GRM7: variants seen among roughly 807,000 people sequenced by gnomAD.
GRM7 encodes the protein glutamate metabotropic receptor 7.
GRM7 carries 35 observed loss-of-function variants against 84.5 expected under a neutral mutation model. The ratio of observed to expected loss-of-function variants is 0.41; its 90% CI spans 0.32 to 0.55. GRM7 has a LOEUF of 0.55. Ranked by LOEUF, GRM7 falls within the 20% of genes least tolerant of loss-of-function variation. The pLI is 0.19. For synonymous variants in GRM7, 487 were observed against 455.1 expected (o/e 1.07, Z -0.89); for missense variants, 1,003 against 1,194.6 (o/e 0.84, Z 2.36).
At chr3:7,693,105 G>A (rs754423324) in intron 9 of GRM7, among the ~76,000 whole-genome samples, 21 of 151,774 alleles carry the variant, frequency 1.4e-4, no homozygotes, top group Non-Finnish European at 2.6e-4. Flanking sequence ...TGGTCTGCTA[G>A]AACGGAAATG....
intron 1 of GRM7, among the ~76,000 whole-genome samples, chr3:7,107,097 GC>G (rs1692681545): frequency 6.6e-6 from 1 of 152,000 alleles, no homozygotes; most frequent in Non-Finnish European, 1.5e-5. Flanking sequence ...AGACTGACAG[GC>G]TAGGAAAGAC....
intron 8 of GRM7, among the ~76,000 whole-genome samples, chr3:7,650,312 C>T (rs1000832845): frequency 5.3e-5 from 8 of 152,172 alleles, no homozygotes; most frequent in African/African-American, 1.9e-4. Flanking sequence ...TCTGAGCCTC[C>T]CTTTCTGATC....
intron 7 of GRM7, among the ~76,000 whole-genome samples, chr3:7,556,148 C>A (rs942092890): frequency 6.6e-6 from 1 of 152,056 alleles, no homozygotes; most frequent in Non-Finnish European, 1.5e-5. Flanking sequence ...ATACATGATG[C>A]CTTATCCTTG....
intron 5 of GRM7, among the ~76,000 whole-genome samples, chr3:7,424,086 C>A (rs921415207): frequency 6.6e-6 from 1 of 152,070 alleles, no homozygotes; most frequent in African/African-American, 2.4e-5. Flanking sequence ...TCACCATGGG[C>A]AAGTTACTCA....
Position 7,463,943 on chromosome 3 carries a change from A to G in GRM7, c.1515+2221A>G, listed in dbSNP as rs138758996. Among the ~76,000 whole-genome samples, 171 of 152,310 alleles carry G rather than the reference A, an allele frequency of 1.1e-3. 1 individual carries two copies. Among genetic ancestry groups the G allele is most frequent in the African/African-American group, 3.8e-3 (156 of 41,566 alleles). On this transcript the variant is annotated intron_variant, in intron 7 of 9. Coordinates refer to ENST00000357716, the MANE Select transcript of GRM7 (RefSeq NM_000844.4). ...AATTACTTTGGCTGCTGGGAAGATA[A>G]TGGAGGGGGCAAAAGTAGCAGCAGA...
chr3:7,578,974 T>A lies in GRM7; in HGVS notation c.2068T>A (p.Ser690Thr). Residue 690 changes from serine (S) to threonine (T), a missense_variant, in exon 8 of 10, where the codon TCA becomes ACA. Transcript: ENST00000357716. ...TCGCATATTTGAGCAGGGCAAGAAA[T>A]CAGTAACAGCTCCCAGACTCATAAG... is the stretch of plus-strand genomic sequence containing the variant. ...IYRIFEQGKK[S>T]VTAPRLISPT... is the part of the protein sequence containing the mutation. 1.2e-6 allele frequency: 2 copies of A among 1,614,058 alleles called. No individual in the cohort carries two copies. Among genetic ancestry groups the A allele is most frequent in the Non-Finnish European group, 1.7e-6 (2 of 1,180,006 alleles).
chr3:7,693,527 A>G, intron 9 of GRM7: 3 of 722,564 alleles, frequency 4.2e-6, no homozygotes, highest in South Asian at 1.5e-5. Context: ...TTGGACCTTA[A>G]TTCCTCTTTC....
chr3:7,233,811 T>A (rs1697267183), intron 2 of GRM7, among the ~76,000 whole-genome samples: 1 of 152,156 alleles, frequency 6.6e-6, no homozygotes, highest in African/African-American at 2.4e-5. Context: ...CCCCATGGAA[T>A]GTCTAGGCTG....
intron 2 of GRM7, among the ~76,000 whole-genome samples, chr3:7,271,121 G>T (rs1698837677): frequency 6.6e-6 from 1 of 152,194 alleles, no homozygotes; most frequent in Admixed American, 6.5e-5. Context: ...GGAGGGACAT[G>T]AAGTCTATTT....
At chr3:6,977,091 A>G (rs143316966) in intron 1 of GRM7, among the ~76,000 whole-genome samples, 10 of 152,132 alleles carry the variant, frequency 6.6e-5, no homozygotes, top group African/African-American at 2.2e-4. Flanking sequence ...GCACCATGGC[A>G]TATTTCCTCC....
intron 1 of GRM7, among the ~76,000 whole-genome samples, chr3:6,899,745 G>A (rs1223299346): frequency 1.3e-5 from 2 of 152,018 alleles, no homozygotes; most frequent in East Asian, 3.9e-4. Context: ...ACAATATGAT[G>A]GACTTTTGAC....
intron 1 of GRM7, among the ~76,000 whole-genome samples, chr3:6,967,948 C>T (rs915467443): frequency 2.6e-5 from 4 of 152,268 alleles, no homozygotes; most frequent in Admixed American, 2.6e-4. Context: ...CAAAAACAAA[C>T]AAGTTATTGA....
intron 1 of GRM7, among the ~76,000 whole-genome samples, chr3:7,097,502 C>T (rs1380613394): frequency 6.6e-6 from 1 of 151,974 alleles, no homozygotes; most frequent in African/African-American, 2.4e-5. Flanking sequence ...CTAAATGTGT[C>T]TACTCTATGA....
At chr3:7,198,168 AAGAG>A (rs1553630537) in intron 2 of GRM7, among the ~76,000 whole-genome samples, 2 of 151,090 alleles carry the variant, frequency 1.3e-5, no homozygotes, top group Admixed American at 6.6e-5. Flanking sequence ...AAAAAAAAAA[AAGAG>A]AGAGATGGAA....
chr3:7,181,772 T>C (rs1695345473), intron 2 of GRM7, among the ~76,000 whole-genome samples: 1 of 151,934 alleles, frequency 6.6e-6, no homozygotes, highest in South Asian at 2.1e-4. Flanking sequence ...GCACACCCAG[T>C]TATTTTTATT....
intron 1 of GRM7, among the ~76,000 whole-genome samples, chr3:7,006,090 C>G (rs541906897): frequency 6.6e-6 from 1 of 152,144 alleles, no homozygotes; most frequent in African/African-American, 2.4e-5. Flanking sequence ...AACCTTCCCC[C>G]CTCCTGGCTC....
At chr3:7,523,480 A>G (rs1416280461) in intron 7 of GRM7, among the ~76,000 whole-genome samples, 2 of 152,112 alleles carry the variant, frequency 1.3e-5, no homozygotes, top group African/African-American at 4.8e-5. Context: ...GGCATCTCCG[A>G]GCTGGTAGAA....
chr3:7,517,462 G>C (rs576740523), intron 7 of GRM7, among the ~76,000 whole-genome samples: 11 of 152,006 alleles, frequency 7.2e-5, no homozygotes, highest in African/African-American at 2.2e-4. Flanking sequence ...GCATGATCTC[G>C]GCTCACTGCA....
chr3:6,980,351 A>C (rs938358575), intron 1 of GRM7, among the ~76,000 whole-genome samples: 1 of 152,294 alleles, frequency 6.6e-6, no homozygotes, highest in African/African-American at 2.4e-5. Context: ...CTTATGCAAC[A>C]TTTCATATAT....
Sources: allele counts gnomAD v4.1 joint callset (sites outside exome capture counted in the v4.1 genomes callset), GRCh38; gene constraint gnomAD v4.1.1; transcripts MANE v1.5; gene names NCBI Gene and HGNC (gene_info 2026-07-23, HGNC 2026-07-21).